TSHR: variants seen among roughly 807,000 people sequenced by gnomAD.
TSHR encodes thyrotropin receptor.
Under a neutral mutation model 64.1 loss-of-function variants are expected in TSHR, and 51 were observed. The observed-to-expected ratio is 0.80, with a 90% CI of 0.64 to 1.01. The LOEUF is 1.01. Ranked by LOEUF, TSHR falls within the 50% of genes least tolerant of loss-of-function variation. The pLI is 0.00. For missense variants in TSHR, 877 were observed against 942.8 expected (o/e 0.93, Z 0.91); for synonymous variants, 361 against 361.9 (o/e 1.00, Z 0.03).
chr14:81,085,670 T>A (rs189055813), intron 3 of TSHR, among the ~76,000 whole-genome samples: 1 of 152,328 alleles, frequency 6.6e-6, no homozygotes, highest in East Asian at 1.9e-4. Context: ...TGACGTTCTC[T>A]TAGACCACTC....
At position 81,011,898 on chromosome 14, in the gene TSHR, A is replaced by G. The variant is rs540842696; in HGVS notation, c.171-50250A>G. Among the ~76,000 whole-genome samples, 12 of 152,184 alleles carry G rather than the reference A, an allele frequency of 7.9e-5. No homozygotes were observed. The South Asian group carries it at 2.5e-3, about 32-fold the overall frequency. On this transcript the variant is annotated intron_variant, in intron 1 of 9. Coordinates refer to ENST00000298171, the MANE Select transcript of TSHR (RefSeq NM_000369.5). ...AATAAATAAATAAAAGCTTTTTCCT[A>G]TCTAGTTTTTACAAGGAAAATCTTT...
intron 1 of TSHR, chr14:80,982,417 GC>G: frequency 1.6e-6 from 2 of 1,247,910 alleles, no homozygotes; most frequent in Non-Finnish European, 2.2e-6. Flanking sequence ...TGAAATTGGT[GC>G]CCAGGTCTGT....
intron 1 of TSHR, among the ~76,000 whole-genome samples, chr14:81,043,198 A>G (rs1885007091): frequency 6.6e-6 from 1 of 152,166 alleles, no homozygotes; most frequent in Admixed American, 6.5e-5. Flanking sequence ...CCATAGTTTC[A>G]GCCCAAAAGC....
chr14:81,094,248 G>T (rs1452607513), intron 6 of TSHR: 1 of 152,190 alleles, frequency 6.6e-6, no homozygotes, highest in East Asian at 1.9e-4. Context: ...TTCAGTCAAA[G>T]TTTGTAATTC....
At chr14:81,033,319 C>A in intron 1 of TSHR, 1 of 371,596 alleles carries the variant, frequency 2.7e-6, no homozygotes, top group East Asian at 8.2e-5. Flanking sequence ...TGAAGACACT[C>A]CGAGAGTGAA....
At chr14:81,066,608 G>A (rs894667976) in intron 2 of TSHR, among the ~76,000 whole-genome samples, 4 of 152,194 alleles carry the variant, frequency 2.6e-5, no homozygotes, top group African/African-American at 9.6e-5. Context: ...TTGCATCGAT[G>A]AGGATACTTT....
intron 1 of TSHR, among the ~76,000 whole-genome samples, chr14:81,048,929 A>G (rs1186430031): frequency 7.2e-5 from 11 of 152,148 alleles, no homozygotes; most frequent in African/African-American, 2.7e-4. Context: ...GTTTAATAGT[A>G]TAAGTGTTTT....
At chr14:81,000,852 T>C (rs1889272297) in intron 1 of TSHR, among the ~76,000 whole-genome samples, 1 of 152,246 alleles carries the variant, frequency 6.6e-6, no homozygotes, top group Non-Finnish European at 1.5e-5. Context: ...GTGGGGTCTA[T>C]AGAGGATCTC....
chr14:80,998,349 G>T (rs1389396922), intron 1 of TSHR, among the ~76,000 whole-genome samples: 1 of 152,046 alleles, frequency 6.6e-6, no homozygotes, highest in Non-Finnish European at 1.5e-5. Context: ...GAAATCGAAT[G>T]CTGAACAGAA....
intron 8 of TSHR, among the ~76,000 whole-genome samples, chr14:81,123,970 C>G (rs181766334): frequency 1.7e-3 from 265 of 152,236 alleles, no homozygotes; most frequent in Middle Eastern, 0.014. Context: ...AAAGAACACA[C>G]TGAAATGCAA....
chr14:81,053,761 G>A (rs984124944), intron 1 of TSHR: 1 of 152,150 alleles, frequency 6.6e-6, no homozygotes, highest in East Asian at 1.9e-4. Context: ...TTTGTACATG[G>A]ATGTTCTTCA....
chr14:81,074,068 T>C (rs1861654628), intron 3 of TSHR, among the ~76,000 whole-genome samples: 1 of 152,178 alleles, frequency 6.6e-6, no homozygotes, highest in Non-Finnish European at 1.5e-5. Flanking sequence ...TATAAGTTTT[T>C]TTAAGTAAAC....
intron 1 of TSHR, among the ~76,000 whole-genome samples, chr14:81,043,823 C>T (rs1426669265): frequency 6.6e-6 from 1 of 152,178 alleles, no homozygotes; most frequent in African/African-American, 2.4e-5. Context: ...TTGGCAAAAA[C>T]AAGCAATGGG....
chr14:81,002,919 G>A (rs1364307085), intron 1 of TSHR, among the ~76,000 whole-genome samples: 8 of 97,976 alleles, frequency 8.2e-5, no homozygotes, highest in Non-Finnish European at 1.3e-4. Flanking sequence ...ATGCTGGTGC[G>A]CTGCACCCAC....
At chr14:80,982,203 G>A (rs1594915122) in intron 1 of TSHR, 1 of 588,522 alleles carries the variant, frequency 1.7e-6, no homozygotes, top group Admixed American at 2.5e-5. Flanking sequence ...GATGAAGGAA[G>A]GAGCCCCTGT....
chr14:81,064,747 G>A (rs1260902110), intron 2 of TSHR, among the ~76,000 whole-genome samples: 3 of 152,142 alleles, frequency 2.0e-5, no homozygotes, highest in Admixed American at 2.0e-4. Flanking sequence ...TCAGGGGAGA[G>A]ATTCAGGTAG....
intron 2 of TSHR, among the ~76,000 whole-genome samples, chr14:81,066,169 A>G (rs1353858523): frequency 6.6e-6 from 1 of 152,200 alleles, no homozygotes; most frequent in Non-Finnish European, 1.5e-5. Flanking sequence ...CCATTTGATA[A>G]TATGGGCCGA....
intron 8 of TSHR, among the ~76,000 whole-genome samples, chr14:81,115,504 A>C (rs1356849375): frequency 1.4e-5 from 2 of 146,790 alleles, no homozygotes; most frequent in Admixed American, 6.6e-5. Context: ...GAAATGAGCA[A>C]AGCCTCCAAG....
intron 8 of TSHR, among the ~76,000 whole-genome samples, chr14:81,134,319 T>G (rs946477271): frequency 6.6e-6 from 1 of 151,936 alleles, no homozygotes; most frequent in African/African-American, 2.4e-5. Flanking sequence ...GAATTTTTAG[T>G]AGATACTGGT....
Sources: allele counts gnomAD v4.1 joint callset (sites outside exome capture counted in the v4.1 genomes callset), GRCh38; gene constraint gnomAD v4.1.1; transcripts MANE v1.5; gene names NCBI Gene and HGNC (gene_info 2026-07-23, HGNC 2026-07-21).